Variants in RNF180 observed in about 807,000 individuals in gnomAD.
RNF180 encodes the protein E3 ubiquitin-protein ligase RNF180.
Under a neutral mutation model 59.2 loss-of-function variants are expected in RNF180, and 38 were observed. That is an observed-to-expected ratio of 0.64 (90% CI 0.50 to 0.84). The LOEUF (loss-of-function observed/expected upper bound fraction) is 0.84. Among genes scored for constraint, RNF180 ranks in the 40% least tolerant of loss-of-function variants. RNF180 has a pLI of 0.00. For missense variants in RNF180, 705 were observed against 700.9 expected, an observed-to-expected ratio of 1.01 and a Z score of -0.07; for synonymous variants, 262 against 240.3, an observed-to-expected ratio of 1.09 and a Z score of -0.84.
In RNF180 at chr5:64,200,942, G is replaced by A; in HGVS notation, c.135G>A (p.Lys45=). The change falls in exon 2 of 8, where the codon AAG becomes AAA. Residue 45 remains lysine (K), a splice_region_variant and synonymous_variant. Coordinates refer to ENST00000389100, the MANE Select transcript of RNF180 (RefSeq NM_001113561.2). ...FMEYLENQVI[K]DKDDSVDAQN... The stretch of plus-strand genomic sequence containing the variant: ...AGTATCTTGAGAATCAAGTGATTAA[G>A]GTGAGTATTGGTAACTCCAGTCTTC... The A allele has an allele frequency of 6.2e-7, 1 of 1,613,140 alleles. No individual in the cohort carries two copies. Among genetic ancestry groups the A allele is most frequent in the Non-Finnish European group, 8.5e-7 (1 of 1,179,354 alleles).
Position 64,214,473 on chromosome 5 carries a change from C to T in RNF180, c.1147C>T (p.Leu383=). ...NKRERSKLKN[L]RRKQRRRERW... ...GAGAGAAAGGAGCAAGTTGAAGAAT[C>T]TAAGAAGGAAACAACGAAGGCGTGA... Residue 383 remains leucine (L), a synonymous_variant, in exon 4 of 8, where the codon CTA becomes TTA. Coordinates refer to ENST00000389100, the MANE Select transcript of RNF180 (RefSeq NM_001113561.2). 6.2e-7 allele frequency: 1 copy of T among 1,613,754 alleles called. No individual in the cohort carries two copies. The highest frequency in any genetic ancestry group is 8.5e-7 in the Non-Finnish European group (1 of 1,179,748).
intron 7 of RNF180, among the ~76,000 whole-genome samples, chr5:64,339,389 T>A (rs1192967626): frequency 6.6e-6 from 1 of 151,660 alleles, no homozygotes; most frequent in Non-Finnish European, 1.5e-5. Flanking sequence ...TAGTATTTTT[T>A]ATTCTTCATT....
intron 1 of RNF180, 144 bp downstream of exon 1, chr5:64,166,097 G>C (rs574229239): frequency 5.9e-5 from 9 of 152,440 alleles, no homozygotes; most frequent in African/African-American, 2.2e-4. Flanking sequence ...GCTGGGCTAG[G>C]GTTGCCGCTG....
At chr5:64,226,005 G>T (rs1741723090) in intron 5 of RNF180, among the ~76,000 whole-genome samples, 1 of 146,878 alleles carries the variant, frequency 6.8e-6, no homozygotes, top group Non-Finnish European at 1.5e-5. Flanking sequence ...GGGAAGTGAG[G>T]AGCGCCTCTG....
intron 5 of RNF180, among the ~76,000 whole-genome samples, chr5:64,278,972 C>T (rs1741864766): frequency 6.6e-6 from 1 of 151,936 alleles, no homozygotes; most frequent in Admixed American, 6.6e-5. Context: ...GAGAGTGGTC[C>T]CAGCCAAAGC....
At chr5:64,256,688 C>T (rs1743988226) in intron 5 of RNF180, among the ~76,000 whole-genome samples, 1 of 152,124 alleles carries the variant, frequency 6.6e-6, no homozygotes, top group African/African-American at 2.4e-5. Flanking sequence ...AATGTGGGCT[C>T]TTTTTTGGTT....
chr5:64,315,254 GT>G (rs1460586373), intron 5 of RNF180, among the ~76,000 whole-genome samples: 2 of 152,164 alleles, frequency 1.3e-5, no homozygotes, highest in Non-Finnish European at 2.9e-5. Context: ...TTGCTTGAAA[GT>G]TCAAATTTTA....
chr5:64,224,019 C>G (rs1741511071), intron 5 of RNF180, among the ~76,000 whole-genome samples: 1 of 150,982 alleles, frequency 6.6e-6, no homozygotes, highest in Non-Finnish European at 1.5e-5. Flanking sequence ...AAGGAGCAAG[C>G]ATGATTGGCT....
chr5:64,348,832 T>C (rs1219745019), intron 7 of RNF180, among the ~76,000 whole-genome samples: 1 of 152,106 alleles, frequency 6.6e-6, no homozygotes, highest in Non-Finnish European at 1.5e-5. Flanking sequence ...CCAAATGATA[T>C]AACTTATTAT....
At chr5:64,207,889 G>A (rs568434358) in intron 2 of RNF180, among the ~76,000 whole-genome samples, 2 of 152,030 alleles carry the variant, frequency 1.3e-5, no homozygotes, top group Non-Finnish European at 2.9e-5. Flanking sequence ...TGTTAGCTGC[G>A]GTAGTCAAAT....
intron 5 of RNF180, among the ~76,000 whole-genome samples, chr5:64,220,929 G>C (rs1181513915): frequency 6.6e-6 from 1 of 151,940 alleles, no homozygotes; most frequent in Non-Finnish European, 1.5e-5. Context: ...TATTAAAAGG[G>C]TGTGATTTAG....
intron 7 of RNF180, among the ~76,000 whole-genome samples, chr5:64,338,114 T>C (rs10514960): frequency 0.29 from 43,611 of 152,150 alleles, 6,496 homozygotes; most frequent in African/African-American, 0.35. Context: ...TATATTGATA[T>C]TGGTATGTTG....
intron 5 of RNF180, among the ~76,000 whole-genome samples, chr5:64,305,150 A>G (rs974665135): frequency 2.0e-5 from 3 of 151,656 alleles, no homozygotes; most frequent in African/African-American, 7.3e-5. Flanking sequence ...GGGAAACCAA[A>G]CAATGTGTGT....
chr5:64,192,908 T>C lies in RNF180; in HGVS notation c.1-7900T>C, dbSNP rs1178725019. On this transcript the variant is annotated intron_variant, in intron 1 of 7. Transcript: ENST00000389100. ...GCATGCAGAAAGTGTGGCATGTATA[T>C]ATATATATATATATATATATATATA... is the stretch of plus-strand genomic sequence containing the variant. 7.0e-4 allele frequency among the ~76,000 whole-genome samples: 35 copies of C among 49,930 alleles called. No individual in the cohort carries two copies. The South Asian group carries it at 0.021, about 29-fold the overall frequency. The allele number at this position is 49,930 out of a possible 152,430, so 32.8% of individuals were successfully genotyped here. A position where few individuals can be genotyped will look rare whatever the true frequency, so the allele number is the denominator to read the frequency against.
intron 5 of RNF180, among the ~76,000 whole-genome samples, chr5:64,283,184 A>T (rs772544984): frequency 1.3e-5 from 2 of 152,276 alleles, no homozygotes; most frequent in Middle Eastern, 3.4e-3. Flanking sequence ...GTGCTCCAGT[A>T]TTGGGTGCAT....
At chr5:64,257,461 CAT>C (rs1744044312) in intron 5 of RNF180, among the ~76,000 whole-genome samples, 1 of 152,150 alleles carries the variant, frequency 6.6e-6, no homozygotes. Context: ...TTGAGATAAT[CAT>C]GTGGTTTTTG....
intron 7 of RNF180, among the ~76,000 whole-genome samples, chr5:64,350,677 A>G (rs1009088672): frequency 7.2e-5 from 11 of 152,116 alleles, no homozygotes; most frequent in Admixed American, 5.2e-4. Flanking sequence ...TCCTTTCCCC[A>G]TGTCTTGTTT....
At chr5:64,220,565 C>A (rs1337754239) in intron 5 of RNF180, among the ~76,000 whole-genome samples, 1 of 151,980 alleles carries the variant, frequency 6.6e-6, no homozygotes, top group Non-Finnish European at 1.5e-5. Flanking sequence ...AAATTTTAAT[C>A]CTAGAACAAA....
chr5:64,357,413 T>C (rs1340890642), intron 7 of RNF180, among the ~76,000 whole-genome samples: 1 of 151,840 alleles, frequency 6.6e-6, no homozygotes, highest in Non-Finnish European at 1.5e-5. Flanking sequence ...CCCATCATAT[T>C]TGAAAGATAG....
Sources: gnomAD v4.1 joint callset for allele counts (sites outside exome capture counted in the v4.1 genomes callset) on GRCh38, gnomAD v4.1.1 for gene constraint, MANE v1.5 for transcripts, NCBI Gene and HGNC (gene_info 2026-07-23, HGNC 2026-07-21) for gene names.